Variants in SRSF4 observed in about 807,000 individuals in gnomAD.
SRSF4 encodes the protein serine and arginine rich splicing factor 4, also known as serine/arginine-rich splicing factor 4.
A neutral mutation model predicts 48.8 loss-of-function variants in SRSF4; 12 were observed. The observed-to-expected ratio is 0.25, with a 90% CI of 0.16 to 0.40. The LOEUF (loss-of-function observed/expected upper bound fraction) is 0.40, where lower values mean the gene tolerates loss of function less well. Among genes scored for constraint, SRSF4 ranks in the 10% least tolerant of loss-of-function variants. The pLI is 1.00. For synonymous variants in SRSF4, 248 were observed against 232.5 expected, an observed-to-expected ratio of 1.07 and a Z score of -0.61; for missense variants, 466 against 667.1, an observed-to-expected ratio of 0.70 and a Z score of 3.32.
intron 1 of SRSF4, among the ~76,000 whole-genome samples, chr1:29,160,973 A>G (rs1234143189): frequency 6.6e-6 from 1 of 152,230 alleles, no homozygotes; most frequent in African/African-American, 2.4e-5. Flanking sequence ...TGTGAAAGTA[A>G]AAAACTTTTT....
At chr1:29,149,368 C>T (rs1171767756) in intron 5 of SRSF4, 142 bp from the exon 6 acceptor site, 2 of 1,086,770 alleles carry the variant, frequency 1.8e-6, no homozygotes, top group African/African-American at 1.6e-5. Context: ...TTTCTGAACC[C>T]TCACAATGCC....
chr1:29,176,218 C>T (rs1672850519), intron 1 of SRSF4, among the ~76,000 whole-genome samples: 1 of 152,078 alleles, frequency 6.6e-6, no homozygotes, highest in Non-Finnish European at 1.5e-5. Context: ...TACCACTGCA[C>T]TCCAGCCTGG....
Position 29,168,274 on chromosome 1 carries a change from A to G in SRSF4, c.108-7757T>C, listed in dbSNP as rs564800181. Among the ~76,000 whole-genome samples the G allele has an allele frequency of 2.1e-5, 3 of 142,892 alleles. No individual in the cohort carries two copies. In the South Asian group the frequency reaches 6.7e-4, roughly 32 times the overall value. 93.7% of individuals were successfully genotyped at this position (142,892 alleles called of 152,430 possible). A position where few individuals can be genotyped will look rare whatever the true frequency, so the allele number is the denominator to read the frequency against. On this transcript the variant is annotated intron_variant, in intron 1 of 5. Transcript: ENST00000373795. Reference sequence around the variant, plus strand: ...TCGAACTCCTGAGCTCAGGCAATCCACCTGCCTTGGCCTCCCAAAGTGCTA... The same window carrying G: ...TCGAACTCCTGAGCTCAGGCAATCCGCCTGCCTTGGCCTCCCAAAGTGCTA...
At chr1:29,149,593 A>G (rs1294207343) in intron 5 of SRSF4, among the ~76,000 whole-genome samples, 1 of 151,750 alleles carries the variant, frequency 6.6e-6, no homozygotes, top group African/African-American at 2.4e-5. Flanking sequence ...AGGCAGGAGA[A>G]TCGCTTGAAC....
intron 1 of SRSF4, chr1:29,171,711 G>A (rs1032153374): frequency 2.0e-5 from 3 of 151,896 alleles, no homozygotes; most frequent in Admixed American, 6.6e-5. Context: ...TAAAATTTGC[G>A]GTTCTGGGTA....
intron 1 of SRSF4, among the ~76,000 whole-genome samples, chr1:29,177,280 T>C (rs1013145874): frequency 2.9e-5 from 4 of 138,042 alleles, no homozygotes; most frequent in Non-Finnish European, 6.5e-5. Flanking sequence ...AGTAACTCTT[T>C]TTGTTTTTTT....
intron 1 of SRSF4, among the ~76,000 whole-genome samples, chr1:29,167,796 G>A (rs1456964991): frequency 6.6e-6 from 1 of 152,204 alleles, no homozygotes; most frequent in Non-Finnish European, 1.5e-5. Flanking sequence ...ATTTAGCACA[G>A]TGCCTGGCAC....
Position 29,148,535 on chromosome 1 carries a change from G to A in SRSF4, c.1360C>T (p.Leu454Phe). 4 of 1,614,126 alleles carry A rather than the reference G, an allele frequency of 2.5e-6. No individual in the cohort carries two copies. The highest frequency in any genetic ancestry group is 3.4e-6 in the Non-Finnish European group (4 of 1,180,040). The change falls in exon 6 of 6, where the codon CTT becomes TTT. Residue 454 changes from leucine (L) to phenylalanine (F), a missense_variant. Around this residue, in one of 2 missense-constraint regions of SRSF4, gnomAD observed 402 missense variants for 437.0 expected, o/e 0.92. Coordinates refer to ENST00000373795, the MANE Select transcript of SRSF4 (RefSeq NM_005626.5). ...SRSNSKSKPNLPSESRSRSKS... is the reference protein window; with the variant it reads ...SRSNSKSKPNFPSESRSRSKS... ...GATCTGGAGCGTGATTCTGATGGAA[G>A]GTTTGGTTTCGATTTGGAATTGGAT...
intron 1 of SRSF4, among the ~76,000 whole-genome samples, chr1:29,179,320 A>T (rs1672917450): frequency 6.6e-6 from 1 of 152,186 alleles, no homozygotes; most frequent in Admixed American, 6.5e-5. Flanking sequence ...ACATTAAAAA[A>T]ATATTTTTTC....
chr1:29,159,685 G>A (rs1267027075), intron 2 of SRSF4, 199 bp from the exon 3 acceptor site: 6 of 415,370 alleles, frequency 1.4e-5, no homozygotes, highest in Admixed American at 1.2e-4. Context: ...TTAAAAAGTT[G>A]TAAGTATACA....
intron 3 of SRSF4, among the ~76,000 whole-genome samples, chr1:29,157,410 AAG>A (rs1481175255): frequency 6.6e-6 from 1 of 152,176 alleles, no homozygotes; most frequent in Non-Finnish European, 1.5e-5. Flanking sequence ...TCTACTGATG[AAG>A]AGAGTAGCTT....
intron 1 of SRSF4, chr1:29,170,117 T>C (rs899628076): frequency 2.0e-4 from 30 of 152,202 alleles, no homozygotes; most frequent in African/African-American, 6.8e-4. Flanking sequence ...TACAATCATC[T>C]GTGTCCATTT....
At chr1:29,160,325 A>G in intron 2 of SRSF4, 50 bp downstream of exon 2, 1 of 1,534,206 alleles carries the variant, frequency 6.5e-7, no homozygotes, top group Non-Finnish European at 8.8e-7. Context: ...AAAAATTAGC[A>G]TGATAACAAA....
intron 1 of SRSF4, among the ~76,000 whole-genome samples, chr1:29,178,718 C>T (rs985699072): frequency 3.3e-5 from 5 of 152,178 alleles, no homozygotes; most frequent in Non-Finnish European, 7.3e-5. Flanking sequence ...AGATCCACTG[C>T]CCTTCTGCTA....
Position 29,181,856 on chromosome 1 carries a change from G to A in SRSF4, c.-104C>T. On this transcript the variant is annotated 5_prime_UTR_variant, in exon 1 of 6. Transcript: ENST00000373795. ...GCGGCGGCGGCGGCAACGGGCGGGC[G>A]GCGGGACGGACGCAGCCGAACCCCG... 5.1e-6 allele frequency: 5 copies of A among 974,414 alleles called. No individual in the cohort carries two copies. The highest frequency in any genetic ancestry group is 8.6e-5 in the Admixed American group (2 of 23,366). The allele number at this position is 974,414 out of a possible 1,614,324, so 60.4% of individuals were successfully genotyped here.
At position 29,181,888 on chromosome 1, in the gene SRSF4, T is replaced by G; in HGVS notation, c.-136A>C. The G allele has an allele frequency of 1.7e-6, 1 of 594,546 alleles. No homozygotes were observed. Among genetic ancestry groups the G allele is most frequent in the Non-Finnish European group, 2.5e-6 (1 of 393,222 alleles). The allele number at this position is 594,546 out of a possible 1,614,324, so 36.8% of individuals were successfully genotyped here. Reference sequence around the variant, plus strand: ...CGGACGCAGCCGAACCCCGGCGACGTACGCGAGCACGCAGCTCGCGAGCGC... The same window carrying G: ...CGGACGCAGCCGAACCCCGGCGACGGACGCGAGCACGCAGCTCGCGAGCGC... On this transcript the variant is annotated 5_prime_UTR_variant, in exon 1 of 6. Transcript: ENST00000373795.
intron 1 of SRSF4, chr1:29,169,064 A>C (rs886929855): frequency 6.6e-6 from 1 of 152,218 alleles, no homozygotes; most frequent in Non-Finnish European, 1.5e-5. Context: ...TCTTCTTCAC[A>C]TTTCTTTGTA....
rs189327346 is a variant in SRSF4 at position 29,160,975 on chromosome 1, A to G, written c.108-458T>C. Among the ~76,000 whole-genome samples, 13 of 152,320 alleles carry G rather than the reference A, an allele frequency of 8.5e-5. No homozygotes were observed. The East Asian group carries it at 1.9e-3, about 23-fold the overall frequency. ...AACTGTTGAATCATGTGAAAGTAAA[A>G]AACTTTTTTTTAAGGTTCCTGTTCC... is the stretch of plus-strand genomic sequence containing the variant. On this transcript the variant is annotated intron_variant, in intron 1 of 5. Coordinates refer to ENST00000373795, the MANE Select transcript of SRSF4 (RefSeq NM_005626.5).
At chr1:29,158,168 C>T (rs1282933116) in intron 3 of SRSF4, among the ~76,000 whole-genome samples, 1 of 116,020 alleles carries the variant, frequency 8.6e-6, no homozygotes, top group Non-Finnish European at 1.8e-5. Context: ...GACTCCATCT[C>T]AAAAAAAAAA....
Sources: allele counts gnomAD v4.1 joint callset (sites outside exome capture counted in the v4.1 genomes callset), GRCh38; gene constraint gnomAD v4.1.1; regional missense constraint gnomAD v4.1.1; transcripts MANE v1.5; gene names NCBI Gene and HGNC (gene_info 2026-07-23, HGNC 2026-07-21).